Variants in PCDH11X observed in about 807,000 individuals in gnomAD.
The protein encoded by PCDH11X is protocadherin-11 X-linked.
In PCDH11X, 18 loss-of-function variants were observed where a neutral mutation model predicts 53.3. The ratio of observed to expected loss-of-function variants is 0.34; its 90% CI spans 0.23 to 0.50. The LOEUF (loss-of-function observed/expected upper bound fraction) is 0.50, where lower values mean the gene tolerates loss of function less well. Among genes scored for constraint, PCDH11X ranks in the 20% least tolerant of loss-of-function variants. The pLI, the probability that PCDH11X is intolerant of heterozygous loss-of-function variation, is 0.98. For synonymous variants in PCDH11X, 279 were observed against 393.3 expected (o/e 0.71, Z 3.44); for missense variants, 570 against 1,032.4 (o/e 0.55, Z 6.14).
intron 6 of PCDH11X, chrX:91,982,641 A>G (rs2062159458): frequency 1.9e-5 from 22 of 1,136,392 alleles, no homozygotes; most frequent in Non-Finnish European, 2.7e-5. Flanking sequence ...AAACAATTGT[A>G]GAGTATTCAT....
chrX:91,849,999 ATTTT>A (rs1039741418), intron 5 of PCDH11X, among the ~76,000 whole-genome samples: 2 of 104,434 alleles, frequency 1.9e-5, no homozygotes, highest in Admixed American at 2.1e-4. Context: ...CTCAGAAAAT[ATTTT>A]TTAATAGTCC....
At chrX:92,268,202 C>T (rs1273132143) in intron 8 of PCDH11X, among the ~76,000 whole-genome samples, 2 of 112,109 alleles carry the variant, frequency 1.8e-5, no homozygotes. Context: ...CTAGCAAATG[C>T]ATGAGGCTAA....
chrX:92,352,555 G>A (rs1290616010), intron 8 of PCDH11X, among the ~76,000 whole-genome samples: 1 of 110,714 alleles, frequency 9.0e-6, no homozygotes, highest in Non-Finnish European at 1.9e-5. Context: ...GGCATGTTAA[G>A]GAACCTTGTT....
chrX:92,436,239 A>G (rs1405483836), intron 9 of PCDH11X, among the ~76,000 whole-genome samples: 1 of 108,426 alleles, frequency 9.2e-6, no homozygotes, highest in Non-Finnish European at 1.9e-5. Context: ...AATATCATTA[A>G]TCATTAGAGA....
chrX:92,110,921 CT>C (rs199515298), intron 6 of PCDH11X, among the ~76,000 whole-genome samples: 1 of 108,236 alleles, frequency 9.2e-6, no homozygotes, highest in Non-Finnish European at 1.9e-5. Flanking sequence ...TTCTGGCTCT[CT>C]TTTTTTTTCT....
At chrX:92,031,610 T>C (rs1331801563) in intron 6 of PCDH11X, among the ~76,000 whole-genome samples, 1 of 112,076 alleles carries the variant, frequency 8.9e-6, no homozygotes, top group African/African-American at 3.2e-5. Context: ...CATTTCATAA[T>C]TTCATGTCTT....
chrX:92,454,568 TG>T (rs1216279883), intron 9 of PCDH11X, among the ~76,000 whole-genome samples: 1 of 105,391 alleles, frequency 9.5e-6, no homozygotes, highest in Non-Finnish European at 2.0e-5. Context: ...AAATTCTTAT[TG>T]GTGAAGAATT....
intron 9 of PCDH11X, among the ~76,000 whole-genome samples, chrX:92,413,732 C>A (rs1398110047): frequency 9.2e-6 from 1 of 109,156 alleles, no homozygotes; most frequent in Non-Finnish European, 1.9e-5. Context: ...CTTAAAGGGT[C>A]GGAAGAATAA....
chrX:92,218,910 G>A (rs1330263115), intron 7 of PCDH11X, among the ~76,000 whole-genome samples: 1 of 111,562 alleles, frequency 9.0e-6, no homozygotes, highest in Non-Finnish European at 1.9e-5. Flanking sequence ...ATCAGTAAAT[G>A]TAATCCAGCA....
chrX:92,019,103 G>T (rs779769196), intron 6 of PCDH11X, among the ~76,000 whole-genome samples: 1 of 110,967 alleles, frequency 9.0e-6, no homozygotes, highest in East Asian at 2.9e-4. Flanking sequence ...ATGGAGGAAA[G>T]TCACAGAAGC....
intron 10 of PCDH11X, among the ~76,000 whole-genome samples, chrX:92,545,399 T>G (rs1602300137): frequency 1.1e-5 from 1 of 90,816 alleles, no homozygotes; most frequent in African/African-American, 4.0e-5. Context: ...TTTTTTTTTT[T>G]TTTTTTTTTT....
chrX:91,972,372 C>T (rs1169436160), intron 6 of PCDH11X, among the ~76,000 whole-genome samples: 13 of 84,767 alleles, frequency 1.5e-4, no homozygotes, highest in African/African-American at 2.6e-4. Context: ...GAGTAGGTTG[C>T]GAAAATTTTC....
intron 10 of PCDH11X, among the ~76,000 whole-genome samples, chrX:92,586,716 C>G (rs1019476565): frequency 4.7e-4 from 52 of 109,742 alleles, no homozygotes; most frequent in Middle Eastern, 4.7e-3. Flanking sequence ...GTATTTTTTC[C>G]TAGTGTATCC....
At chrX:92,517,070 A>G (rs2074283701) in intron 10 of PCDH11X, among the ~76,000 whole-genome samples, 1 of 112,154 alleles carries the variant, frequency 8.9e-6, no homozygotes, top group African/African-American at 3.2e-5. Flanking sequence ...ATGTGAACTA[A>G]ATAATGTCTC....
chrX:92,484,271 G>T (rs113485748), intron 10 of PCDH11X, among the ~76,000 whole-genome samples: 1 of 99,155 alleles, frequency 1.0e-5, no homozygotes, highest in Admixed American at 1.2e-4. Context: ...ATATATATGT[G>T]TATGTATATA....
At chrX:91,951,328 G>A (rs780948301) in intron 6 of PCDH11X, among the ~76,000 whole-genome samples, 12 of 110,008 alleles carry the variant, frequency 1.1e-4, no homozygotes, top group African/African-American at 4.0e-4. Flanking sequence ...GAATTTATGT[G>A]GACTTCATTT....
At chrX:92,006,287 AT>A (rs753722385) in intron 6 of PCDH11X, among the ~76,000 whole-genome samples, 1 of 108,316 alleles carries the variant, frequency 9.2e-6, no homozygotes, top group South Asian at 4.1e-4. Flanking sequence ...GGTGTGCTTC[AT>A]TTTTTTTATT....
chrX:91,929,293 A>G (rs1016492630), intron 6 of PCDH11X, among the ~76,000 whole-genome samples: 6 of 110,927 alleles, frequency 5.4e-5, no homozygotes, highest in Non-Finnish European at 1.9e-5. Context: ...TCTACCTGAC[A>G]GTCACATATA....
At chrX:92,276,620 G>T (rs1486808166) in intron 8 of PCDH11X, among the ~76,000 whole-genome samples, 1 of 111,264 alleles carries the variant, frequency 9.0e-6, no homozygotes, top group East Asian at 2.8e-4. Context: ...GCTGGGGTTT[G>T]TCTCACAGTG....
Sources: allele counts gnomAD v4.1 joint callset (sites outside exome capture counted in the v4.1 genomes callset), GRCh38; gene constraint gnomAD v4.1.1; transcripts MANE v1.5; gene names NCBI Gene and HGNC (gene_info 2026-07-23, HGNC 2026-07-21).